Variants in WRN observed in about 807,000 individuals in gnomAD.
The protein encoded by WRN is WRN RecQ like helicase, also known as bifunctional 3'-5' exonuclease/ATP-dependent helicase WRN.
In WRN, 149 loss-of-function variants were observed where a neutral mutation model predicts 180.7. That is an observed-to-expected ratio of 0.82 (90% confidence interval 0.72 to 0.94). WRN has a LOEUF of 0.94. Ranked by LOEUF, WRN falls within the 40% of genes least tolerant of loss-of-function variation. WRN has a pLI of 0.00. For synonymous variants in WRN, 548 were observed against 568.9 expected (o/e 0.96, Z 0.52); for missense variants, 1,661 against 1,700.1 (o/e 0.98, Z 0.40).
intron 23 of WRN, among the ~76,000 whole-genome samples, chr8:31,130,026 A>AAAC (rs1563369281): frequency 7.2e-4 from 98 of 135,242 alleles, no homozygotes; most frequent in African/African-American, 3.1e-3. Context: ...AAAACAAAAC[A>AAAC]AAAAAAAAAA....
intron 34 of WRN, among the ~76,000 whole-genome samples, chr8:31,169,930 T>C (rs1804041718): frequency 6.6e-6 from 1 of 152,166 alleles, no homozygotes; most frequent in Admixed American, 6.6e-5. Flanking sequence ...TGTACTCACT[T>C]GCTATTGGCT....
intron 8 of WRN, 86 bp downstream of exon 8, chr8:31,076,373 C>A: frequency 4.4e-6 from 5 of 1,147,608 alleles, no homozygotes; most frequent in Non-Finnish European, 6.4e-6. Context: ...GAATACTATT[C>A]ATTAAGGCTG....
intron 31 of WRN, among the ~76,000 whole-genome samples, chr8:31,152,060 G>C (rs1803156078): frequency 4.6e-5 from 7 of 151,846 alleles, no homozygotes; most frequent in Admixed American, 4.6e-4. Flanking sequence ...GAGAATTTCT[G>C]GAACAAAGTA....
intron 16 of WRN, among the ~76,000 whole-genome samples, chr8:31,094,556 A>G (rs1373825939): frequency 5.3e-5 from 8 of 152,040 alleles, no homozygotes; most frequent in African/African-American, 1.9e-4. Context: ...TATGTTGCCC[A>G]GGTTGCTCTC....
chr8:31,150,496 A>T, intron 31 of WRN, 41 bp downstream of exon 31: 2 of 1,572,520 alleles, frequency 1.3e-6, no homozygotes, highest in East Asian at 4.5e-5. Flanking sequence ...GAGAATAAGC[A>T]TTTTTTGTAA....
chr8:31,134,913 A>C (rs1214819606), intron 24 of WRN, among the ~76,000 whole-genome samples: 1 of 152,166 alleles, frequency 6.6e-6, no homozygotes. Context: ...TTTATTTTGC[A>C]CATAGAATTA....
At chr8:31,150,161 CAAAG>C (rs540594156) in intron 30 of WRN, among the ~76,000 whole-genome samples, 176 bp from the exon 31 acceptor site, 121 of 152,182 alleles carry the variant, frequency 8.0e-4, no homozygotes, top group Admixed American at 3.0e-3. Context: ...TGGTGGAAAG[CAAAG>C]AAAGAAATTA....
intron 23 of WRN, among the ~76,000 whole-genome samples, chr8:31,128,300 C>T (rs1802006204): frequency 6.6e-6 from 1 of 151,980 alleles, no homozygotes; most frequent in Non-Finnish European, 1.5e-5. Flanking sequence ...ACATAGTATA[C>T]TGATTTATCA....
Position 31,087,757 on chromosome 8 carries a change from A to G in WRN, c.1432-19A>G, listed in dbSNP as rs773438122. The stretch of plus-strand genomic sequence containing the variant: ...CACTGTCAGTGGTTTTGCTTTTAAG[A>G]TTTCTTTTAAACTTTCAGTCTTTAG... On this transcript the variant is annotated intron_variant, in intron 11 of 34. Coordinates refer to ENST00000298139, the MANE Select transcript of WRN (RefSeq NM_000553.6). The G allele has an allele frequency of 1.9e-6, 3 of 1,611,038 alleles. No individual in the cohort carries two copies. The highest frequency in any genetic ancestry group is 2.2e-5 in the South Asian group (2 of 90,894).
rs146055899 is a variant in WRN, at chr8:31,167,166, C to T, written c.4127C>T (p.Pro1376Leu). ...GATGTCAACAAAAGGAGATGTTTTC[C>T]CGGTTCTGAAGAGATCTGTTCAAGT... is the stretch of plus-strand genomic sequence containing the variant. ...SCDVNKRRCF[P>L]GSEEICSSSK... Residue 1376 changes from proline (P) to leucine (L), a missense_variant, in exon 34 of 35, where the codon CCC becomes CTC. Coordinates refer to ENST00000298139, the MANE Select transcript of WRN (RefSeq NM_000553.6). The T allele has an allele frequency of 7.4e-5, 120 of 1,613,056 alleles. No individual in the cohort carries two copies. The highest frequency in any genetic ancestry group is 6.6e-4 in the Middle Eastern group (4 of 6,082).
chr8:31,064,263 A>T, intron 3 of WRN, 26 bp from the exon 4 acceptor site: 1 of 1,613,394 alleles, frequency 6.2e-7, no homozygotes, highest in Non-Finnish European at 8.5e-7. Flanking sequence ...AACATAAATT[A>T]ATTTACACTA....
chr8:31,067,031 A>G lies in WRN; in HGVS notation c.505-2A>G, dbSNP rs2130048793. 1 of 1,613,682 alleles carries G rather than the reference A, an allele frequency of 6.2e-7. No homozygotes were observed. ...ACTGTGTTGCTTTTTCATCATTTCT[A>G]GCTGAAATGCACAGAGACCTGGAGC... On this transcript the variant is annotated splice_acceptor_variant, in intron 5 of 34. Coordinates refer to ENST00000298139, the MANE Select transcript of WRN (RefSeq NM_000553.6). LOFTEE classifies it high-confidence loss of function.
rs1017746698 is a variant in WRN at position 31,046,824 on chromosome 8, A to G, written c.-76-11548A>G. On this transcript the variant is annotated intron_variant, in intron 1 of 34. Coordinates refer to ENST00000298139, the MANE Select transcript of WRN (RefSeq NM_000553.6). ...TGCTTTTGCTGTTCATTCATAAAAC[A>G]GAGTCTCTGAAATACAGTAGAAAAA... is the stretch of plus-strand genomic sequence containing the variant. 4.6e-5 allele frequency among the ~76,000 whole-genome samples: 7 copies of G among 152,364 alleles called. No individual in the cohort carries two copies. The East Asian group carries it at 1.2e-3, about 25-fold the overall frequency.
chr8:31,045,402 A>AG (rs1811821320), intron 1 of WRN, among the ~76,000 whole-genome samples: 1 of 149,190 alleles, frequency 6.7e-6, no homozygotes, highest in Non-Finnish European at 1.5e-5. Flanking sequence ...ATTCCACACT[A>AG]ATTTTTTTTT....
At chr8:31,096,973 ATCTCTGAC>A in intron 17 of WRN, 123 bp downstream of exon 17, 1 of 899,416 alleles carries the variant, frequency 1.1e-6, no homozygotes, top group Non-Finnish European at 1.8e-6. Context: ...CCTCCAGGAA[ATCTCTGAC>A]TCTCTAACTT....
Position 31,091,867 on chromosome 8 carries a change from C to G in WRN, c.1867C>G (p.Gln623Glu). 6.2e-7 allele frequency: 1 copy of G among 1,613,162 alleles called. No individual in the cohort carries two copies. The highest frequency in any genetic ancestry group is 8.5e-7 in the Non-Finnish European group (1 of 1,179,350). ...CCCAGCTTGCTTCCTTGGATCAGCA[C>G]AGTCAGAAAATGTTCTAACAGATAT... ...NIPACFLGSA[Q>E]SENVLTDIKL... The change falls in exon 16 of 35, where the codon CAG (glutamine) becomes GAG (glutamate). Residue 623 changes from glutamine to glutamate, a missense_variant. Coordinates refer to ENST00000298139, the MANE Select transcript of WRN (RefSeq NM_000553.6).
chr8:31,087,977 A>G, intron 12 of WRN, 57 bp downstream of exon 12: 1 of 1,585,154 alleles, frequency 6.3e-7, no homozygotes. Context: ...ACTGACTTTA[A>G]CTTAGGATCC....
At chr8:31,169,864 C>T (rs1804038329) in intron 34 of WRN, among the ~76,000 whole-genome samples, 1 of 149,676 alleles carries the variant, frequency 6.7e-6, no homozygotes, top group African/African-American at 2.5e-5. Context: ...TCGGCTAGTC[C>T]CAGGGTTCAG....
intron 1 of WRN, among the ~76,000 whole-genome samples, chr8:31,037,925 G>A (rs1204279985): frequency 1.3e-5 from 2 of 152,036 alleles, no homozygotes; most frequent in African/African-American, 4.8e-5. Flanking sequence ...ATCAGAACTC[G>A]ATTTCTTTTT....
Sources: allele counts gnomAD v4.1 joint callset (sites outside exome capture counted in the v4.1 genomes callset), GRCh38; gene constraint gnomAD v4.1.1; transcripts MANE v1.5; gene names NCBI Gene and HGNC (gene_info 2026-07-23, HGNC 2026-07-21).